Variants in DIAPH3 observed in about 807,000 individuals in gnomAD.
DIAPH3 encodes the protein diaphanous related formin 3, also known as protein diaphanous homolog 3.
In DIAPH3, 117 loss-of-function variants were observed where a neutral mutation model predicts 144.3. That is an observed-to-expected ratio of 0.81 (90% CI 0.70 to 0.95). The LOEUF is 0.95. Among genes scored for constraint, DIAPH3 ranks in the 40% least tolerant of loss-of-function variants. The pLI, the probability that DIAPH3 is intolerant of heterozygous loss-of-function variation, is 0.00. For missense variants in DIAPH3, 1,421 were observed against 1,412.7 expected, an observed-to-expected ratio of 1.01 and a Z score of -0.09; for synonymous variants, 519 against 488.9, an observed-to-expected ratio of 1.06 and a Z score of -0.81.
intron 25 of DIAPH3, among the ~76,000 whole-genome samples, chr13:59,810,337 G>A (rs2040409826): frequency 6.6e-6 from 1 of 152,042 alleles, no homozygotes; most frequent in Non-Finnish European, 1.5e-5. Flanking sequence ...CATTACAATT[G>A]GCTGATATGT....
chr13:59,986,894 A>C (rs1309846464), intron 12 of DIAPH3, among the ~76,000 whole-genome samples: 7 of 148,854 alleles, frequency 4.7e-5, no homozygotes, highest in Non-Finnish European at 1.5e-5. Context: ...AAACTAGTTC[A>C]ACCATTGTGG....
intron 17 of DIAPH3, among the ~76,000 whole-genome samples, chr13:59,954,982 CA>C (rs2049308710): frequency 6.6e-6 from 1 of 151,760 alleles, no homozygotes; most frequent in African/African-American, 2.4e-5. Context: ...GACATGGAGA[CA>C]AACCATATCA....
At chr13:60,024,028 T>C (rs1352217636) in intron 5 of DIAPH3, among the ~76,000 whole-genome samples, 1 of 151,548 alleles carries the variant, frequency 6.6e-6, no homozygotes, top group Non-Finnish European at 1.5e-5. Flanking sequence ...GCTAATTTTG[T>C]ATTTTTAGTA....
At chr13:60,147,513 C>G (rs985320592) in intron 1 of DIAPH3, among the ~76,000 whole-genome samples, 1 of 152,126 alleles carries the variant, frequency 6.6e-6, no homozygotes, top group Non-Finnish European at 1.5e-5. Context: ...TGACACTGAT[C>G]TAAGCATTCC....
intron 13 of DIAPH3, among the ~76,000 whole-genome samples, chr13:59,982,197 T>C (rs1188122350): frequency 2.0e-5 from 3 of 151,462 alleles, no homozygotes; most frequent in Non-Finnish European, 3.0e-5. Flanking sequence ...TAAATACAAT[T>C]AATTTATTAA....
In DIAPH3 at chr13:59,924,753, G is replaced by A. The variant is rs376626986; in HGVS notation, c.2170+22C>T. On this transcript the variant is annotated intron_variant, in intron 18 of 27. Transcript: ENST00000400324. ...AGAAATATTTCCACTGTCTTTGAAT[G>A]GTATTGGAATATGATACTTACAAAG... The A allele has an allele frequency of 8.2e-6, 13 of 1,593,608 alleles. No individual in the cohort carries two copies. The African/African-American group carries it at 1.6e-4, about 20-fold the overall frequency.
At chr13:60,011,105 C>CA (rs796142976) in intron 7 of DIAPH3, among the ~76,000 whole-genome samples, 276 of 144,926 alleles carry the variant, frequency 1.9e-3, no homozygotes, top group African/African-American at 6.2e-3. Flanking sequence ...AACTCCGTCT[C>CA]AAAAAAAAAA....
intron 21 of DIAPH3, among the ~76,000 whole-genome samples, chr13:59,863,499 C>G (rs2043726842): frequency 6.6e-6 from 1 of 152,030 alleles, no homozygotes; most frequent in South Asian, 2.1e-4. Context: ...CTGTTAAAGT[C>G]CAGTAGTGGA....
chr13:60,106,783 C>T (rs1224453472), intron 3 of DIAPH3, among the ~76,000 whole-genome samples: 1 of 152,068 alleles, frequency 6.6e-6, no homozygotes, highest in Admixed American at 6.6e-5. Context: ...TGTTCGGACA[C>T]ATTTATAATC....
At chr13:59,812,902 T>A (rs1484835666) in intron 24 of DIAPH3, among the ~76,000 whole-genome samples, 1 of 152,168 alleles carries the variant, frequency 6.6e-6, no homozygotes, top group Non-Finnish European at 1.5e-5. Context: ...TTTCGAACTA[T>A]CTTTTCAAAG....
chr13:59,852,080 AACT>A (rs1276022244), intron 22 of DIAPH3, among the ~76,000 whole-genome samples: 1 of 152,138 alleles, frequency 6.6e-6, no homozygotes, highest in Non-Finnish European at 1.5e-5. Context: ...ACATATCAAA[AACT>A]ACTAATTAAC....
chr13:60,156,933 ATATATATTTTTTTTTTTTTT>A (rs1241307071), intron 1 of DIAPH3, among the ~76,000 whole-genome samples: 1 of 52,372 alleles, frequency 1.9e-5, no homozygotes, highest in African/African-American at 8.7e-5. Context: ...ATATATATAT[ATATATATTTTTTTTTTTTTT>A]TTTTTTGAGA....
chr13:60,150,421 T>C (rs1274338082), intron 1 of DIAPH3, among the ~76,000 whole-genome samples: 2 of 152,088 alleles, frequency 1.3e-5, no homozygotes, highest in Non-Finnish European at 1.5e-5. Flanking sequence ...CTGTGAGAAA[T>C]TGAAAAGGAG....
At chr13:59,773,092 C>T (rs1220004366) in intron 27 of DIAPH3, among the ~76,000 whole-genome samples, 1 of 152,084 alleles carries the variant, frequency 6.6e-6, no homozygotes, top group Non-Finnish European at 1.5e-5. Flanking sequence ...TAATTATTCA[C>T]AGTGAACTTC....
chr13:60,022,227 G>A (rs2054074752), intron 5 of DIAPH3, among the ~76,000 whole-genome samples: 1 of 152,194 alleles, frequency 6.6e-6, no homozygotes. Flanking sequence ...TTTCTGACCT[G>A]CATGCCTTTA....
chr13:60,116,838 C>T (rs546426168), intron 2 of DIAPH3, among the ~76,000 whole-genome samples: 2 of 152,042 alleles, frequency 1.3e-5, no homozygotes, highest in East Asian at 1.9e-4. Flanking sequence ...TCTCTAAAGT[C>T]ATAAAAATTA....
chr13:60,092,458 C>A (rs541900742), intron 4 of DIAPH3, among the ~76,000 whole-genome samples: 1 of 152,150 alleles, frequency 6.6e-6, no homozygotes, highest in Non-Finnish European at 1.5e-5. Context: ...CGAGACCATC[C>A]TGGCTAACAC....
chr13:59,875,527 C>T (rs1467937025), intron 21 of DIAPH3, among the ~76,000 whole-genome samples: 3 of 148,436 alleles, frequency 2.0e-5, no homozygotes, highest in African/African-American at 7.4e-5. Flanking sequence ...AGAGATTGTT[C>T]TAAAAAAAAA....
intron 25 of DIAPH3, among the ~76,000 whole-genome samples, chr13:59,778,713 C>T (rs2038558645): frequency 6.6e-6 from 1 of 152,190 alleles, no homozygotes; most frequent in South Asian, 2.1e-4. Context: ...TCTAACTACA[C>T]TTTATGTTGG....
Sources: gnomAD v4.1 joint callset for allele counts (sites outside exome capture counted in the v4.1 genomes callset) on GRCh38, gnomAD v4.1.1 for gene constraint, MANE v1.5 for transcripts, NCBI Gene and HGNC (gene_info 2026-07-23, HGNC 2026-07-21) for gene names.